Variants in RNF150 observed in about 807,000 individuals in gnomAD.
The protein encoded by RNF150 is ring finger protein 150.
In RNF150, 24 loss-of-function variants were observed where a neutral mutation model predicts 39.3. The ratio of observed to expected loss-of-function variants is 0.61; its 90% CI spans 0.44 to 0.86. The LOEUF (loss-of-function observed/expected upper bound fraction) is 0.86, where lower values mean the gene tolerates loss of function less well. Ranked by LOEUF, RNF150 falls within the 40% of genes least tolerant of loss-of-function variation. The pLI is 0.00. For missense variants in RNF150, 502 were observed against 587.8 expected (o/e 0.85, Z 1.51); for synonymous variants, 255 against 227.3 (o/e 1.12, Z -1.10).
intron 6 of RNF150, among the ~76,000 whole-genome samples, chr4:140,902,709 A>G (rs796408579): frequency 1.1e-4 from 16 of 152,354 alleles, no homozygotes; most frequent in African/African-American, 3.4e-4. Flanking sequence ...TGAATACTGC[A>G]TAACAGCATT....
chr4:140,882,802 T>C (rs999872705), intron 6 of RNF150, among the ~76,000 whole-genome samples: 4 of 152,180 alleles, frequency 2.6e-5, no homozygotes, highest in Admixed American at 2.6e-4. Flanking sequence ...CTCAGGTATG[T>C]CCTTAAATCT....
At chr4:141,071,769 T>C (rs1737715942) in intron 1 of RNF150, among the ~76,000 whole-genome samples, 1 of 152,136 alleles carries the variant, frequency 6.6e-6, no homozygotes, top group Admixed American at 6.6e-5. Flanking sequence ...GAGATAATGA[T>C]GGGAGCTCTT....
At chr4:140,946,423 G>C (rs1341051056) in intron 4 of RNF150, among the ~76,000 whole-genome samples, 1 of 151,982 alleles carries the variant, frequency 6.6e-6, no homozygotes, top group Non-Finnish European at 1.5e-5. Flanking sequence ...TATGTGAATT[G>C]TCTTACATCT....
intron 1 of RNF150, among the ~76,000 whole-genome samples, chr4:141,091,964 G>A (rs994062099): frequency 6.6e-6 from 1 of 152,104 alleles, no homozygotes; most frequent in African/African-American, 2.4e-5. Flanking sequence ...AATATCCAAG[G>A]CCAACATATC....
intron 6 of RNF150, among the ~76,000 whole-genome samples, chr4:140,894,282 C>G (rs569643320): frequency 6.6e-6 from 1 of 152,280 alleles, no homozygotes; most frequent in East Asian, 1.9e-4. Context: ...GGTAAAATAG[C>G]TGTGTTTAAT....
intron 1 of RNF150, among the ~76,000 whole-genome samples, chr4:141,087,202 A>G (rs1051931106): frequency 1.3e-5 from 2 of 151,996 alleles, no homozygotes; most frequent in Non-Finnish European, 2.9e-5. Context: ...AGTTCTTATC[A>G]TTTAGCTCGC....
intron 1 of RNF150, among the ~76,000 whole-genome samples, chr4:141,020,141 C>T (rs766355171): frequency 4.0e-5 from 6 of 151,316 alleles, no homozygotes; most frequent in Non-Finnish European, 7.4e-5. Context: ...TGGTCAACTT[C>T]AAGAAAAATA....
At chr4:140,872,452 A>G (rs1578917255) in intron 6 of RNF150, among the ~76,000 whole-genome samples, 1 of 152,216 alleles carries the variant, frequency 6.6e-6, no homozygotes, top group East Asian at 1.9e-4. Flanking sequence ...AGAGATTTAA[A>G]CAGGAGGTAA....
At chr4:141,196,700 A>G (rs1326692095) in intron 1 of RNF150, among the ~76,000 whole-genome samples, 2 of 152,212 alleles carry the variant, frequency 1.3e-5, no homozygotes, top group African/African-American at 4.8e-5. Flanking sequence ...TTGAGGAACT[A>G]GTGGTGAATT....
intron 1 of RNF150, among the ~76,000 whole-genome samples, chr4:141,014,932 T>C (rs540457323): frequency 1.6e-4 from 24 of 152,290 alleles, no homozygotes; most frequent in Admixed American, 1.4e-3. Context: ...TGTTTTTTTT[T>C]CTAGTATTTT....
At chr4:140,965,537 T>C (rs1397915643) in intron 2 of RNF150, among the ~76,000 whole-genome samples, 1 of 152,090 alleles carries the variant, frequency 6.6e-6, no homozygotes, top group Admixed American at 6.6e-5. Flanking sequence ...AGAAAATGTA[T>C]ATACATACAC....
chr4:140,948,488 C>A (rs1317765771), intron 3 of RNF150, among the ~76,000 whole-genome samples: 1 of 152,110 alleles, frequency 6.6e-6, no homozygotes, highest in Non-Finnish European at 1.5e-5. Flanking sequence ...AGCCCATAAA[C>A]CTGGGCAGGA....
At chr4:140,870,393 C>T (rs1020875030) in intron 6 of RNF150, among the ~76,000 whole-genome samples, 8 of 152,156 alleles carry the variant, frequency 5.3e-5, no homozygotes, top group African/African-American at 1.9e-4. Context: ...GTGCCTCACA[C>T]TTCACTACAA....
intron 1 of RNF150, among the ~76,000 whole-genome samples, chr4:141,097,133 T>C (rs1390532310): frequency 1.3e-5 from 2 of 152,206 alleles, no homozygotes; most frequent in African/African-American, 4.8e-5. Flanking sequence ...AAACAGACCA[T>C]AATCTGCAGA....
chr4:141,159,819 C>T (rs1727480231), intron 1 of RNF150, among the ~76,000 whole-genome samples: 1 of 152,192 alleles, frequency 6.6e-6, no homozygotes, highest in Non-Finnish European at 1.5e-5. Context: ...GTTGGGATTA[C>T]AGGTGTGAGC....
intron 4 of RNF150, among the ~76,000 whole-genome samples, chr4:140,927,651 T>G (rs1178924096): frequency 2.1e-3 from 1 of 484 alleles, no homozygotes; most frequent in Non-Finnish European, 0.026. Context: ...TTTTTGTTTC[T>G]TTTTTTTTTT....
intron 1 of RNF150, among the ~76,000 whole-genome samples, chr4:141,126,524 C>T (rs1019553220): frequency 6.6e-6 from 1 of 152,194 alleles, no homozygotes; most frequent in African/African-American, 2.4e-5. Flanking sequence ...AAGATGGAGT[C>T]CCATGCACTG....
At chr4:140,963,838 T>C (rs1439971957) in intron 2 of RNF150, among the ~76,000 whole-genome samples, 1 of 151,978 alleles carries the variant, frequency 6.6e-6, no homozygotes, top group Non-Finnish European at 1.5e-5. Flanking sequence ...AAACATCCAT[T>C]CTTGATTAAA....
chr4:140,864,824 C>T lies in RNF150; in HGVS notation c.*3437G>A, dbSNP rs1020890194. 6.6e-6 allele frequency: 1 copy of T among 152,120 alleles called. No homozygotes were observed. Among genetic ancestry groups the T allele is most frequent in the Non-Finnish European group, 1.5e-5 (1 of 68,018 alleles). 9.4% of individuals were successfully genotyped at this position (152,120 alleles called of 1,614,324 possible). A position where few individuals can be genotyped will look rare whatever the true frequency, so the allele number is the denominator to read the frequency against. On this transcript the variant is annotated 3_prime_UTR_variant, in exon 7 of 7. Coordinates refer to ENST00000515673, the MANE Select transcript of RNF150 (RefSeq NM_020724.2). The stretch of plus-strand genomic sequence containing the variant: ...CATGGTTTGTGTGAGTTTTAAGTAA[C>T]AACTGGTCAGAGGAGTAACAACAAA...
Sources: allele counts gnomAD v4.1 joint callset (sites outside exome capture counted in the v4.1 genomes callset), GRCh38; gene constraint gnomAD v4.1.1; transcripts MANE v1.5; gene names NCBI Gene and HGNC (gene_info 2026-07-23, HGNC 2026-07-21).